Variants in KAZN observed in about 807,000 individuals in gnomAD.
KAZN encodes kazrin.
KAZN carries 40 observed loss-of-function variants against 87.4 expected under a neutral mutation model. The observed-to-expected ratio is 0.46, with a 90% CI of 0.36 to 0.60. The LOEUF is 0.60. KAZN is among the 20% of genes least tolerant of loss of function. The pLI is 0.00. For synonymous variants in KAZN, 466 were observed against 458.3 expected, an observed-to-expected ratio of 1.02 and a Z score of -0.22; for missense variants, 898 against 1,073.9, an observed-to-expected ratio of 0.84 and a Z score of 2.29.
rs112094539 is a variant in KAZN, at chr1:14,468,304, C to T, written c.250-130679C>T. ...CATGCTTGAATTGAATTCTTAGAGA[C>T]TGGGAAAAGGGAAAATGGAACCTCA... On this transcript the variant is annotated intron_variant, in intron 2 of 16. Coordinates refer to the KAZN transcript ENST00000636203. 8.5e-5 allele frequency among the ~76,000 whole-genome samples: 13 copies of T among 152,278 alleles called. 1 individual carries two copies. The highest frequency in any genetic ancestry group is 3.1e-4 in the African/African-American group (13 of 41,566).
intron 2 of KAZN, among the ~76,000 whole-genome samples, chr1:14,403,747 T>G (rs1287045934): frequency 6.6e-6 from 1 of 152,192 alleles, no homozygotes; most frequent in African/African-American, 2.4e-5. Context: ...GAGGAAAGTT[T>G]AAAACCTGAC....
chr1:14,456,119 T>C (rs1172723816), intron 2 of KAZN, among the ~76,000 whole-genome samples: 1 of 152,234 alleles, frequency 6.6e-6, no homozygotes, highest in African/African-American at 2.4e-5. Flanking sequence ...TGCGTTTATA[T>C]AAATGTGCAC....
rs118076770 is a variant in KAZN, at chr1:14,263,945, G to A, written c.249+83353G>A. ...CTTCTGGCCATCTGACTGGTGGGTC[G>A]TCAGCTCCTGGGCTATCTCAGCTAT... is the stretch of plus-strand genomic sequence containing the variant. On this transcript the variant is annotated intron_variant, in intron 2 of 16. Coordinates refer to the KAZN transcript ENST00000636203. Among the ~76,000 whole-genome samples, 201 of 152,320 alleles carry A rather than the reference G, an allele frequency of 1.3e-3. 5 individuals are homozygous for A. In the East Asian group the frequency reaches 0.021, roughly 16 times the overall value.
chr1:14,311,475 G>A (rs1475219122), intron 2 of KAZN, among the ~76,000 whole-genome samples: 1 of 152,094 alleles, frequency 6.6e-6, no homozygotes, highest in Non-Finnish European at 1.5e-5. Flanking sequence ...GGACCTTACG[G>A]GGCTATAGAG....
chr1:13,894,185 C>A (rs60818714), intron 1 of KAZN, among the ~76,000 whole-genome samples: 12,420 of 152,166 alleles, frequency 0.082, 1,333 homozygotes, highest in African/African-American at 0.24. Flanking sequence ...ATCTATGCCC[C>A]CCCAGCCCCT....
At chr1:13,927,363 G>T (rs1388595975) in intron 1 of KAZN, among the ~76,000 whole-genome samples, 1 of 152,188 alleles carries the variant, frequency 6.6e-6, no homozygotes, top group African/African-American at 2.4e-5. Context: ...ATTACAGAGA[G>T]GGCTTAAAAT....
chr1:14,132,696 A>G (rs1386435465), intron 1 of KAZN, among the ~76,000 whole-genome samples: 3 of 152,160 alleles, frequency 2.0e-5, no homozygotes, highest in African/African-American at 7.2e-5. Context: ...CACCCATTCG[A>G]TGGAATGTTA....
intron 1 of KAZN, among the ~76,000 whole-genome samples, chr1:13,926,785 G>A (rs544780625): frequency 6.6e-6 from 1 of 152,158 alleles, no homozygotes; most frequent in East Asian, 1.9e-4. Flanking sequence ...TTTGATACTG[G>A]GGTGACAGTT....
intron 1 of KAZN, among the ~76,000 whole-genome samples, chr1:14,021,150 T>A (rs78748973): frequency 6.6e-6 from 1 of 152,198 alleles, no homozygotes; most frequent in African/African-American, 2.4e-5. Context: ...ATTGTAGGAA[T>A]GCTTAGCAGC....
chr1:14,072,305 T>A (rs192407240), intron 1 of KAZN, among the ~76,000 whole-genome samples: 1 of 152,214 alleles, frequency 6.6e-6, no homozygotes, highest in Non-Finnish European at 1.5e-5. Flanking sequence ...CTTCTCCAAT[T>A]TGCTAGGGCT....
In KAZN at chr1:14,420,767, G is replaced by A. The variant is rs553294414; in HGVS notation, c.250-178216G>A. On this transcript the variant is annotated intron_variant, in intron 2 of 16. Transcript: ENST00000636203. The stretch of plus-strand genomic sequence containing the variant: ...CCAGGTGCTAAGCCCCTCACTGCCC[G>A]GGGCCGGCGGCACCAGCCGGCCACT... Among the ~76,000 whole-genome samples, 679 of 152,218 alleles carry A rather than the reference G, an allele frequency of 4.5e-3. 3 individuals are homozygous for A. Among genetic ancestry groups the A allele is most frequent in the African/African-American group, 0.015 (619 of 41,552 alleles).
chr1:15,101,417 G>T, intron 10 of KAZN, 126 bp from the exon 11 acceptor site: 1 of 658,254 alleles, frequency 1.5e-6, no homozygotes, highest in Non-Finnish European at 2.7e-6. Context: ...TGTCTCTGTG[G>T]CTCTCTTGGT....
At chr1:15,008,409 A>G (rs1018994959) in intron 2 of KAZN, among the ~76,000 whole-genome samples, 1 of 151,872 alleles carries the variant, frequency 6.6e-6, no homozygotes, top group African/African-American at 2.4e-5. Context: ...AAGTCATTTA[A>G]CCCCTCTGAG....
chr1:14,257,975 G>GAAAAAAAAAAAAAAAAAAAAAGAGA (rs201805345), intron 2 of KAZN, among the ~76,000 whole-genome samples: 1 of 87,976 alleles, frequency 1.1e-5, no homozygotes, highest in African/African-American at 4.3e-5. Context: ...AAAAAAAAGA[G>GAAAAAAAAAAAAAAAAAAAAAGAGA]AAAAAAAAAA....
intron 1 of KAZN, among the ~76,000 whole-genome samples, chr1:14,033,861 G>A (rs1641429867): frequency 1.3e-5 from 2 of 152,192 alleles, no homozygotes; most frequent in African/African-American, 4.8e-5. Context: ...ACATGCAAAG[G>A]AGGCTCAGAA....
chr1:14,327,752 T>A (rs1160447493), intron 2 of KAZN, among the ~76,000 whole-genome samples: 1 of 152,202 alleles, frequency 6.6e-6, no homozygotes, highest in Non-Finnish European at 1.5e-5. Flanking sequence ...TGGGCTATCA[T>A]CAGCCCCACG....
At chr1:15,044,228 T>C in intron 4 of KAZN, 69 bp downstream of exon 4, 1 of 648,534 alleles carries the variant, frequency 1.5e-6, no homozygotes, top group Non-Finnish European at 2.2e-6. Flanking sequence ...CCGGGACGTC[T>C]GGCACCGACT....
chr1:14,837,358 C>T (rs1647372816), intron 1 of KAZN, among the ~76,000 whole-genome samples: 1 of 152,012 alleles, frequency 6.6e-6, no homozygotes, highest in Admixed American at 6.6e-5. Flanking sequence ...CGCCACCATG[C>T]CCTGCTAATT....
At chr1:13,923,521 C>T (rs1325235069) in intron 1 of KAZN, among the ~76,000 whole-genome samples, 5 of 142,768 alleles carry the variant, frequency 3.5e-5, no homozygotes, top group East Asian at 2.1e-4. Context: ...TGCAGTGAGC[C>T]GAGATCGCGC....
Sources: gnomAD v4.1 joint callset for allele counts (sites outside exome capture counted in the v4.1 genomes callset) on GRCh38, gnomAD v4.1.1 for gene constraint, MANE v1.5 for transcripts, NCBI Gene and HGNC (gene_info 2026-07-23, HGNC 2026-07-21) for gene names.